The following MILR1 variants were observed in gnomAD, a reference collection of about 807,000 sequenced individuals.
The protein encoded by MILR1 is mast cell immunoglobulin like receptor 1.
In MILR1, 31 loss-of-function variants were observed where a neutral mutation model predicts 18.5. That is an observed-to-expected ratio of 1.68 (90% CI 1.26 to 2.26). The LOEUF is 2.26. Ranked by LOEUF, MILR1 falls within the 30% of genes most tolerant of loss-of-function variation. The pLI is 0.00. For synonymous variants in MILR1, 85 were observed against 56.2 expected, an observed-to-expected ratio of 1.51 and a Z score of -2.30; for missense variants, 257 against 157.4, an observed-to-expected ratio of 1.63 and a Z score of -3.38.
chr17:64,469,014 T>G (rs142494619), downstream of MILR1, among the ~76,000 whole-genome samples: 149,695 of 152,132 alleles, frequency 0.98, 73,689 homozygotes, highest in East Asian at 1. Flanking sequence ...TTAAATCTGG[T>G]AGGCAGAGGT....
rs782775695 is a variant in MILR1 at position 64,465,460 on chromosome 17, A to C, written c.772A>C (p.Met258Leu). The change falls in exon 6 of 10, where the codon ATG (methionine) becomes CTG (leucine). Residue 258 changes from methionine to leucine, a missense_variant. Coordinates refer to ENST00000619286, the MANE Select transcript of MILR1 (RefSeq NM_001085423.2). Reference protein sequence around the residue: ...VLPKYKTRKAMRNNVPRDRGD... With the variant: ...VLPKYKTRKALRNNVPRDRGD... ...CCTACCTATTTACGTAGGAAAAGCTATGAGAAATAATGTGCCCAGGGACCG... is the reference window on the plus strand; with the variant it reads ...CCTACCTATTTACGTAGGAAAAGCTCTGAGAAATAATGTGCCCAGGGACCG... 6.2e-7 allele frequency: 1 copy of C among 1,604,296 alleles called. No individual in the cohort carries two copies. Among genetic ancestry groups the C allele is most frequent in the Admixed American group, 1.7e-5 (1 of 59,022 alleles).
intron 5 of MILR1, among the ~76,000 whole-genome samples, chr17:64,463,893 C>T (rs965845269): frequency 0.015 from 2,225 of 149,214 alleles, 20 homozygotes; most frequent in Middle Eastern, 0.059. Context: ...GCACAATCTC[C>T]GCTCACTGCA....
chr17:64,462,797 T>G (rs2037462615), intron 5 of MILR1, among the ~76,000 whole-genome samples: 1 of 151,874 alleles, frequency 6.6e-6, no homozygotes, highest in South Asian at 2.1e-4. Context: ...CCCACCACCA[T>G]GTATTTTTAG....
chr17:64,467,034 CTTTCTTTCTTTCTTCT>C (rs2037583461), intron 8 of MILR1, among the ~76,000 whole-genome samples: 1 of 143,812 alleles, frequency 7.0e-6, no homozygotes, highest in Non-Finnish European at 1.5e-5. Context: ...CTCTTTCTTT[CTTTCTTTCTTTCTTCT>C]TTCTTTCTTT....
In MILR1 at chr17:64,468,295, C is replaced by CT. The variant is rs782608047; in HGVS notation, c.*29-4dup. On this transcript the variant is annotated splice_polypyrimidine_tract_variant and intron_variant, in intron 9 of 9. Transcript: ENST00000619286. ...CTTTTATATTCTCTCTTGTCTCTCT[C>CT]TTTTTTTTTTTGAGATGGAGTCTCA... 8,536 of 313,096 alleles carry CT rather than the reference C, an allele frequency of 0.027. No homozygotes were observed. The highest frequency in any genetic ancestry group is 0.041 in the East Asian group (418 of 10,270). The allele number at this position is 313,096 out of a possible 1,614,324, so 19.4% of individuals were successfully genotyped here.
intron 4 of MILR1, among the ~76,000 whole-genome samples, chr17:64,460,128 C>T (rs9895710): frequency 0.053 from 8,016 of 151,662 alleles, 293 homozygotes; most frequent in African/African-American, 0.11. Flanking sequence ...TGGGTTCAAG[C>T]GATTCTCATG....
chr17:64,451,808 CTATA>C (rs2037176735), intron 2 of MILR1, among the ~76,000 whole-genome samples: 1 of 151,748 alleles, frequency 6.6e-6, no homozygotes, highest in South Asian at 2.1e-4. Context: ...TGGTGTGTGC[CTATA>C]GTTCAGCTAC....
chr17:64,457,848 A>G (rs1369244525), intron 4 of MILR1, among the ~76,000 whole-genome samples, 164 bp downstream of exon 4: 1 of 152,160 alleles, frequency 6.6e-6, no homozygotes, highest in Non-Finnish European at 1.5e-5. Flanking sequence ...GGTCGTGTGC[A>G]GTGGCTCACA....
downstream of MILR1, among the ~76,000 whole-genome samples, chr17:64,470,345 T>C (rs966182536): frequency 1.3e-5 from 2 of 152,072 alleles, no homozygotes; most frequent in Non-Finnish European, 1.5e-5. Context: ...TGGCCTGCCT[T>C]GGCCTCCCAA....
chr17:64,458,133 T>C (rs1290321570), intron 4 of MILR1, among the ~76,000 whole-genome samples: 2 of 150,848 alleles, frequency 1.3e-5, no homozygotes, highest in Non-Finnish European at 2.9e-5. Context: ...CCTTCCTTCC[T>C]TCTTGTATGC....
At chr17:64,496,597 C>T in the MILR1 span, 2 of 1,613,622 alleles carry the variant, frequency 1.2e-6, no homozygotes, top group East Asian at 4.5e-5. Context: ...CCGGGAATAC[C>T]TGCTCCCTGA....
At chr17:64,495,533 C>T in the MILR1 span, among the ~76,000 whole-genome samples, 2 of 152,110 alleles carry the variant, frequency 1.3e-5, no homozygotes, top group Non-Finnish European at 2.9e-5. Context: ...GCCATGATCA[C>T]ACCACTGCAC....
At chr17:64,458,856 G>A (rs1191656034) in intron 4 of MILR1, among the ~76,000 whole-genome samples, 4 of 152,100 alleles carry the variant, frequency 2.6e-5, no homozygotes, top group Non-Finnish European at 4.4e-5. Context: ...TCCCGAGGGT[G>A]GCCCACAGTA....
In MILR1 at chr17:64,466,532, C is replaced by T. The variant is rs1555663267; in HGVS notation, c.910+34C>T. ...GTTCTGCAGAGTCTATTCCACTGCC[C>T]TCATGCGCTTAGAAATTCACATAAT... On this transcript the variant is annotated intron_variant, in intron 7 of 9. Transcript: ENST00000619286. 5 of 1,611,776 alleles carry T rather than the reference C, an allele frequency of 3.1e-6. No individual in the cohort carries two copies. In the African/African-American group the frequency reaches 5.3e-5, roughly 17 times the overall value.
chr17:64,492,542 A>G, the MILR1 span: 5 of 656,338 alleles, frequency 7.6e-6, no homozygotes, highest in South Asian at 7.0e-5. Flanking sequence ...GAGTTTTTGT[A>G]TTTGTATAAT....
chr17:64,496,428 G>A, the MILR1 span: 212 of 1,584,228 alleles, frequency 1.3e-4, 1 homozygote, highest in East Asian at 4.3e-3. Context: ...TTCTCCCGTA[G>A]TTTCCCAGAA....
At position 64,467,577 on chromosome 17, in the gene MILR1, CT is replaced by C; in HGVS notation, c.994del (p.Tyr332IlefsTer35). On this transcript the variant is annotated frameshift_variant, in exon 9 of 10. Transcript: ENST00000619286. LOFTEE classifies it high-confidence loss of function. ...VAPREQEACDSYKSGYVYSEL... is the reference protein window; with the variant it reads ...VAPREQEACDXYKSGYVYSEL... Reference sequence around the variant, plus strand: ...TTTTATATTTCAGAAGCCTGTGATTCTTATAAATCTGGATATGTCTATTCTG... The same window carrying C: ...TTTTATATTTCAGAAGCCTGTGATTCTATAAATCTGGATATGTCTATTCTG... 6.5e-7 allele frequency: 1 copy of C among 1,541,980 alleles called. No individual in the cohort carries two copies. Among genetic ancestry groups the C allele is most frequent in the Non-Finnish European group, 8.9e-7 (1 of 1,129,154 alleles).
intron 4 of MILR1, among the ~76,000 whole-genome samples, chr17:64,459,304 C>T (rs2037369951): frequency 6.6e-6 from 1 of 152,008 alleles, no homozygotes; most frequent in African/African-American, 2.4e-5. Context: ...TGTGGTGGTG[C>T]ATGCCTGTGG....
the MILR1 span, chr17:64,492,935 G>T: frequency 6.2e-7 from 1 of 1,613,972 alleles, no homozygotes; most frequent in South Asian, 1.1e-5. Context: ...TCAAAAACAG[G>T]ATGAAAACAC....
Sources: gnomAD v4.1 joint callset for allele counts (sites outside exome capture counted in the v4.1 genomes callset) on GRCh38, gnomAD v4.1.1 for gene constraint, MANE v1.5 for transcripts, NCBI Gene and HGNC (gene_info 2026-07-23, HGNC 2026-07-21) for gene names.